Variants in MLLT3 observed in about 807,000 individuals in gnomAD.
MLLT3 encodes the protein MLLT3 super elongation complex subunit, also known as protein AF-9.
In MLLT3, 4 loss-of-function variants were observed where a neutral mutation model predicts 53.2. The ratio of observed to expected loss-of-function variants is 0.08; its 90% CI spans 0.04 to 0.17. The LOEUF is 0.17. Ranked by LOEUF, MLLT3 falls within the 10% of genes least tolerant of loss-of-function variation. MLLT3 has a pLI of 1.00. For synonymous variants in MLLT3, 283 were observed against 230.6 expected (o/e 1.23, Z -2.06); for missense variants, 569 against 684.0 (o/e 0.83, Z 1.87).
intron 2 of MLLT3, among the ~76,000 whole-genome samples, chr9:20,491,055 T>G (rs541779916): frequency 3.9e-4 from 60 of 152,154 alleles, no homozygotes; most frequent in Non-Finnish European, 7.5e-4. Context: ...GAAAAGGTTC[T>G]CTAAATCAGA....
chr9:20,360,866 C>A (rs1821305222), intron 7 of MLLT3, 25 bp from the exon 8 acceptor site: 10 of 1,568,488 alleles, frequency 6.4e-6, no homozygotes, highest in Non-Finnish European at 8.8e-6. Context: ...ACAAGTTATG[C>A]ACATCATTAC....
intron 2 of MLLT3, among the ~76,000 whole-genome samples, chr9:20,592,030 G>A (rs1820142399): frequency 6.6e-6 from 1 of 152,020 alleles, no homozygotes; most frequent in African/African-American, 2.4e-5. Context: ...GAATTAGTGA[G>A]CCGCCAACCT....
chr9:20,365,987 C>G (rs1044477673), intron 5 of MLLT3, among the ~76,000 whole-genome samples: 1 of 152,154 alleles, frequency 6.6e-6, no homozygotes, highest in African/African-American at 2.4e-5. Flanking sequence ...AGAAAAGGGC[C>G]TGGCTTTGAT....
At chr9:20,471,045 A>G (rs370766935) in intron 2 of MLLT3, among the ~76,000 whole-genome samples, 2 of 151,986 alleles carry the variant, frequency 1.3e-5, no homozygotes, top group East Asian at 1.9e-4. Flanking sequence ...AATCTATAAC[A>G]TAAGGAAATA....
At chr9:20,415,083 A>T (rs1224498932) in intron 4 of MLLT3, among the ~76,000 whole-genome samples, 2 of 152,214 alleles carry the variant, frequency 1.3e-5, no homozygotes, top group Admixed American at 6.5e-5. Flanking sequence ...ATTAAATTTC[A>T]AATGGCTTTG....
At chr9:20,516,345 A>G (rs183132018) in intron 2 of MLLT3, among the ~76,000 whole-genome samples, 98 of 152,244 alleles carry the variant, frequency 6.4e-4, no homozygotes, top group Admixed American at 1.2e-3. Context: ...AAAGCACAAC[A>G]CTCTACATGT....
At chr9:20,368,062 C>G (rs942915834) in intron 5 of MLLT3, among the ~76,000 whole-genome samples, 1 of 152,224 alleles carries the variant, frequency 6.6e-6, no homozygotes, top group African/African-American at 2.4e-5. Context: ...GGCGGCCTAC[C>G]AACCCTTCAG....
intron 2 of MLLT3, among the ~76,000 whole-genome samples, chr9:20,587,870 C>T (rs1820016577): frequency 6.6e-6 from 1 of 152,128 alleles, no homozygotes; most frequent in African/African-American, 2.4e-5. Context: ...TCAATTTTGG[C>T]TTTTGTTGAC....
intron 2 of MLLT3, among the ~76,000 whole-genome samples, chr9:20,579,104 G>T (rs1819725820): frequency 6.6e-6 from 1 of 152,198 alleles, no homozygotes; most frequent in East Asian, 1.9e-4. Context: ...GCTCGTGCCT[G>T]TAATCGCAGC....
intron 10 of MLLT3, among the ~76,000 whole-genome samples, chr9:20,349,266 C>T (rs1287902478): frequency 6.6e-6 from 1 of 152,152 alleles, no homozygotes; most frequent in East Asian, 1.9e-4. Context: ...ACCTGTTCTA[C>T]TTGTACAAGT....
rs1820851062 is a variant in MLLT3, at chr9:20,345,824, T to C, written c.*619A>G. 1 of 224,086 alleles carries C rather than the reference T, an allele frequency of 4.5e-6. No homozygotes were observed. The highest frequency in any genetic ancestry group is 8.9e-6 in the Non-Finnish European group (1 of 111,922). 13.9% of individuals were successfully genotyped at this position (224,086 alleles called of 1,614,324 possible). A position where few individuals can be genotyped will look rare whatever the true frequency, so the allele number is the denominator to read the frequency against. ...TCCCCCCAGTTGATAATCTGTGTCC[T>C]GGAACTGGAAAAACAAAAGGTGGAA... On this transcript the variant is annotated 3_prime_UTR_variant, in exon 11 of 11. Coordinates refer to ENST00000380338, the MANE Select transcript of MLLT3 (RefSeq NM_004529.4).
At chr9:20,394,884 T>G (rs1325659977) in intron 5 of MLLT3, among the ~76,000 whole-genome samples, 1 of 152,102 alleles carries the variant, frequency 6.6e-6, no homozygotes, top group African/African-American at 2.4e-5. Flanking sequence ...TTTAAAAAGC[T>G]GTGCCCACCC....
chr9:20,476,228 C>T (rs150343484), intron 2 of MLLT3, among the ~76,000 whole-genome samples: 1 of 152,184 alleles, frequency 6.6e-6, no homozygotes, highest in Non-Finnish European at 1.5e-5. Flanking sequence ...AGAAATAGTA[C>T]TTGAGCAATG....
chr9:20,607,856 G>C (rs978404007), intron 2 of MLLT3, among the ~76,000 whole-genome samples: 1 of 151,922 alleles, frequency 6.6e-6, no homozygotes, highest in Non-Finnish European at 1.5e-5. Context: ...TCATTTTGCG[G>C]AAATCATTTT....
chr9:20,415,615 T>C (rs1822851448), intron 4 of MLLT3, among the ~76,000 whole-genome samples: 1 of 152,118 alleles, frequency 6.6e-6, no homozygotes, highest in Non-Finnish European at 1.5e-5. Context: ...TCAGGCTTGC[T>C]TATTATCTTT....
In MLLT3 at chr9:20,621,606, A is replaced by G. The variant is rs1587141376; in HGVS notation, c.12+639T>C. ...CCCAAGTGGCTCCAAAGTATCTCCC[A>G]CCTCCCCCCAAAAAATGAAATTCAG... On this transcript the variant is annotated intron_variant, in intron 1 of 10. Transcript: ENST00000380338. The surrounding 1 kb of genome is among the most constrained non-coding windows in gnomAD (Gnocchi z 7.0). 6.8e-6 allele frequency among the ~76,000 whole-genome samples: 1 copy of G among 147,808 alleles called. No individual in the cohort carries two copies. Among genetic ancestry groups the G allele is most frequent in the South Asian group, 2.2e-4 (1 of 4,628 alleles).
chr9:20,358,404 G>T (rs964397901), intron 8 of MLLT3, among the ~76,000 whole-genome samples: 23 of 152,200 alleles, frequency 1.5e-4, no homozygotes, highest in Middle Eastern at 3.2e-3. Flanking sequence ...TTGGCAGACT[G>T]ATGATTCACA....
chr9:20,596,606 G>C (rs961786017), intron 2 of MLLT3, among the ~76,000 whole-genome samples: 1 of 152,152 alleles, frequency 6.6e-6, no homozygotes, highest in African/African-American at 2.4e-5. Flanking sequence ...CATGAGAATC[G>C]CTTGAGCCCA....
In MLLT3 at chr9:20,620,391, G is replaced by A. The variant is rs1310663704; in HGVS notation, c.193+263C>T. On this transcript the variant is annotated intron_variant, in intron 2 of 10. Coordinates refer to ENST00000380338, the MANE Select transcript of MLLT3 (RefSeq NM_004529.4). This position sits in a 1 kb window ranked among gnomAD's most constrained non-coding sequence, Gnocchi z 6.1. ...ACAGAACCCGCGGCTAACCCCAGAGGACTGGTGAGGGCTGGCTTGGGATGA... is the reference window on the plus strand; with the variant it reads ...ACAGAACCCGCGGCTAACCCCAGAGAACTGGTGAGGGCTGGCTTGGGATGA... Among the ~76,000 whole-genome samples, 2 of 151,698 alleles carry A rather than the reference G, an allele frequency of 1.3e-5. No individual in the cohort carries two copies. Among genetic ancestry groups the A allele is most frequent in the Non-Finnish European group, 2.9e-5 (2 of 67,948 alleles).
Sources: gnomAD v4.1 joint callset for allele counts (sites outside exome capture counted in the v4.1 genomes callset) on GRCh38, gnomAD v4.1.1 for gene constraint, Gnocchi (gnomAD v3.1) non-coding constraint, MANE v1.5 for transcripts, NCBI Gene and HGNC (gene_info 2026-07-23, HGNC 2026-07-21) for gene names.